ATP11C: variants seen among roughly 807,000 people sequenced by gnomAD.
ATP11C encodes ATPase phospholipid transporting 11C (ATP11C blood group), also known as phospholipid-transporting ATPase IG.
Under a neutral mutation model 97.4 loss-of-function variants are expected in ATP11C, and 36 were observed. The observed-to-expected ratio is 0.37, with a 90% CI of 0.28 to 0.49. The LOEUF (loss-of-function observed/expected upper bound fraction) is 0.49. ATP11C is among the 20% of genes least tolerant of loss of function. The probability of loss-of-function intolerance (pLI) is 0.98; values close to 1 mark genes in which losing one functional copy is unlikely to be tolerated. For missense variants in ATP11C, 730 were observed against 824.6 expected, an observed-to-expected ratio of 0.89 and a Z score of 1.40; for synonymous variants, 275 against 290.9, an observed-to-expected ratio of 0.95 and a Z score of 0.56.
intron 1 of ATP11C, among the ~76,000 whole-genome samples, chrX:139,923,093 CTTTT>C (rs1313420070): frequency 1.8e-3 from 196 of 111,965 alleles, no homozygotes; most frequent in African/African-American, 6.2e-3. Flanking sequence ...ACCTGTTATA[CTTTT>C]TTTTATAACA....
At chrX:139,850,151 T>C (rs987710141) in intron 1 of ATP11C, among the ~76,000 whole-genome samples, 4 of 110,857 alleles carry the variant, frequency 3.6e-5, no homozygotes, top group East Asian at 2.8e-4. Flanking sequence ...ACTGAAAATG[T>C]GGAACTGGGT....
chrX:139,765,945 G>T (rs2082126658), intron 20 of ATP11C, among the ~76,000 whole-genome samples: 1 of 112,063 alleles, frequency 8.9e-6, no homozygotes, highest in Non-Finnish European at 1.9e-5. Flanking sequence ...AAAGGGTAAT[G>T]TATGTGGTAT....
chrX:139,794,270 G>A (rs1480420455), intron 12 of ATP11C, among the ~76,000 whole-genome samples: 2 of 112,259 alleles, frequency 1.8e-5, no homozygotes, highest in Non-Finnish European at 3.8e-5. Flanking sequence ...GCAATGGTAT[G>A]AACAGGAATT....
At chrX:139,811,898 T>C (rs1244619519) in intron 5 of ATP11C, among the ~76,000 whole-genome samples, 2 of 111,842 alleles carry the variant, frequency 1.8e-5, no homozygotes, top group Non-Finnish European at 3.8e-5. Context: ...TGGCATATAC[T>C]ACATACCATA....
chrX:139,908,235 G>A (rs1165093299), intron 1 of ATP11C, among the ~76,000 whole-genome samples: 1 of 111,246 alleles, frequency 9.0e-6, no homozygotes, highest in Non-Finnish European at 1.9e-5. Flanking sequence ...GGGTCTTTGT[G>A]CAAGCTGGTT....
At chrX:139,792,746 G>A (rs1248811515) in intron 12 of ATP11C, among the ~76,000 whole-genome samples, 1 of 111,888 alleles carries the variant, frequency 8.9e-6, no homozygotes, top group Admixed American at 9.5e-5. Context: ...CTAACATGTA[G>A]GGGTTCCTGG....
At chrX:139,896,230 G>A (rs2084802822) in intron 1 of ATP11C, among the ~76,000 whole-genome samples, 1 of 110,808 alleles carries the variant, frequency 9.0e-6, no homozygotes, top group African/African-American at 3.3e-5. Flanking sequence ...ACTATGTACC[G>A]TGGATATATG....
At chrX:139,741,818 G>C in intron 26 of ATP11C, among the ~76,000 whole-genome samples, 1 of 111,515 alleles carries the variant, frequency 9.0e-6, no homozygotes, top group Non-Finnish European at 1.9e-5. Flanking sequence ...GGACTATTTC[G>C]CTTGCTTAAA....
intron 5 of ATP11C, among the ~76,000 whole-genome samples, chrX:139,805,966 C>T (rs2083033158): frequency 8.9e-6 from 1 of 112,081 alleles, no homozygotes; most frequent in Non-Finnish European, 1.9e-5. Flanking sequence ...TACACAAAAC[C>T]ACAATTTATG....
chrX:139,814,837 T>C lies in ATP11C; in HGVS notation c.426+41A>G, dbSNP rs766757963. On this transcript the variant is annotated intron_variant, in intron 5 of 29. Transcript: ENST00000682941. Reference sequence around the variant, plus strand: ...CTAAATTATACACTTTAAAATGGTGTATTTTTACCATTAAAAAAGGAGTGG... The same window carrying C: ...CTAAATTATACACTTTAAAATGGTGCATTTTTACCATTAAAAAAGGAGTGG... 5.0e-6 allele frequency: 4 copies of C among 795,102 alleles called. No individual in the cohort carries two copies. In the Admixed American group the frequency reaches 1.3e-4, roughly 25 times the overall value. 65.5% of individuals were successfully genotyped at this position (795,102 alleles called of 1,213,427 possible). A position where few individuals can be genotyped will look rare whatever the true frequency, so the allele number is the denominator to read the frequency against.
intron 1 of ATP11C, among the ~76,000 whole-genome samples, chrX:139,903,180 T>C (rs1016101341): frequency 8.9e-6 from 1 of 111,752 alleles, no homozygotes; most frequent in Admixed American, 9.5e-5. Context: ...GAAAAATCCA[T>C]AGTCAAAAAC....
Position 139,814,998 on chromosome X carries a change from A to T in ATP11C, c.319-13T>A. On this transcript the variant is annotated splice_polypyrimidine_tract_variant and intron_variant, in intron 4 of 29. Coordinates refer to ENST00000682941, the MANE Select transcript of ATP11C (RefSeq NM_001353812.2). ...AATCCTCATATCCCTGAAAGATAAA[A>T]ATAACTATATAATTGAGTTCTGATA... 1.0e-6 allele frequency: 1 copy of T among 997,021 alleles called. No individual in the cohort carries two copies. The highest frequency in any genetic ancestry group is 2.2e-5 in the South Asian group (1 of 45,550). The allele number at this position is 997,021 out of a possible 1,213,427, so 82.2% of individuals were successfully genotyped here.
intron 5 of ATP11C, among the ~76,000 whole-genome samples, chrX:139,814,328 T>C (rs945783649): frequency 3.6e-5 from 4 of 111,448 alleles, no homozygotes; most frequent in Admixed American, 9.6e-5. Context: ...GAAAATAGTT[T>C]AGTGGTTCAT....
intron 18 of ATP11C, among the ~76,000 whole-genome samples, chrX:139,781,416 T>C (rs2082454780): frequency 8.9e-6 from 1 of 112,833 alleles, no homozygotes; most frequent in Non-Finnish European, 1.9e-5. Context: ...AAAAGCATAT[T>C]ATTTTAAAGT....
chrX:139,774,754 A>T lies in ATP11C; in HGVS notation c.2152T>A (p.Leu718Ile). Reference protein sequence around the residue: ...SERKEDRLHELLIEYRKKLLH... With the variant: ...SERKEDRLHEILIEYRKKLLH... ...AATTTCTTGCGATATTCTATCAATA[A>T]TTCATGTAATCGATCTTCTTTCCTT... The change falls in exon 19 of 30, where the codon TTA becomes ATA. Residue 718 changes from leucine (L) to isoleucine (I), a missense_variant. Leu to Ile is a conservative substitution (Grantham distance 5, BLOSUM62 2). Transcript: ENST00000682941. The T allele has an allele frequency of 8.3e-7, 1 of 1,209,850 alleles. No homozygotes were observed. Among genetic ancestry groups the T allele is most frequent in the Admixed American group, 2.2e-5 (1 of 46,069 alleles).
At chrX:139,798,126 GCA>G (rs1357271292) in intron 10 of ATP11C, 145 bp downstream of exon 10, 3 of 482,270 alleles carry the variant, frequency 6.2e-6, no homozygotes, top group African/African-American at 2.5e-5. Context: ...AAATCATTGA[GCA>G]CAGTTTCTGG....
intron 5 of ATP11C, among the ~76,000 whole-genome samples, chrX:139,811,378 G>A (rs1156394251): frequency 1.8e-5 from 2 of 110,886 alleles, no homozygotes; most frequent in African/African-American, 6.6e-5. Flanking sequence ...ATGTCTAATA[G>A]GTTTCTCAAA....
intron 24 of ATP11C, among the ~76,000 whole-genome samples, chrX:139,746,971 T>C (rs1481284141): frequency 9.0e-6 from 1 of 111,691 alleles, no homozygotes; most frequent in African/African-American, 3.3e-5. Context: ...TCAGTTGGTA[T>C]TGGGTACTGT....
intron 1 of ATP11C, among the ~76,000 whole-genome samples, chrX:139,846,383 A>C (rs960899960): frequency 3.6e-5 from 4 of 112,469 alleles, no homozygotes; most frequent in Non-Finnish European, 7.5e-5. Context: ...ATATCTGATA[A>C]CTAGGAATAA....
Sources: allele counts gnomAD v4.1 joint callset (sites outside exome capture counted in the v4.1 genomes callset), GRCh38; gene constraint gnomAD v4.1.1; transcripts MANE v1.5; gene names NCBI Gene and HGNC (gene_info 2026-07-23, HGNC 2026-07-21).